FNIP2: variants seen among roughly 807,000 people sequenced by gnomAD.
The protein encoded by FNIP2 is folliculin-interacting protein 2.
FNIP2 carries 32 observed loss-of-function variants against 108.7 expected under a neutral mutation model. That is an observed-to-expected ratio of 0.29 (90% CI 0.22 to 0.40). The LOEUF is 0.40. Among genes scored for constraint, FNIP2 ranks in the 10% least tolerant of loss-of-function variants. FNIP2 has a pLI of 1.00. For synonymous variants in FNIP2, 480 were observed against 496.7 expected (o/e 0.97, Z 0.45); for missense variants, 1,202 against 1,381.6 (o/e 0.87, Z 2.06).
chr4:158,810,848 T>A (rs950402476), intron 1 of FNIP2, among the ~76,000 whole-genome samples: 1 of 152,300 alleles, frequency 6.6e-6, no homozygotes, highest in East Asian at 1.9e-4. Flanking sequence ...TTCTGAAGCC[T>A]TTTTTCCTCA....
chr4:158,897,588 A>G (rs530246698), intron 16 of FNIP2, among the ~76,000 whole-genome samples: 16 of 152,250 alleles, frequency 1.1e-4, no homozygotes, highest in Middle Eastern at 3.4e-3. Context: ...TTCTCTGATG[A>G]CCAGTGATGA....
chr4:158,801,621 A>G (rs1325790155), intron 1 of FNIP2, among the ~76,000 whole-genome samples: 2 of 152,190 alleles, frequency 1.3e-5, no homozygotes, highest in African/African-American at 2.4e-5. Context: ...TTAAGAGAAG[A>G]TATTACTACT....
intron 8 of FNIP2, among the ~76,000 whole-genome samples, chr4:158,854,026 AT>A (rs1303313524): frequency 6.6e-6 from 1 of 152,120 alleles, no homozygotes; most frequent in African/African-American, 2.4e-5. Flanking sequence ...AAAACAGTGT[AT>A]TTTTTTGTCC....
In FNIP2 at chr4:158,802,862, T is replaced by C. The variant is rs142868007; in HGVS notation, c.108-23054T>C. Among the ~76,000 whole-genome samples the C allele has an allele frequency of 1.9e-4, 29 of 152,362 alleles. 1 individual carries two copies. The East Asian group carries it at 5.2e-3, about 27-fold the overall frequency. On this transcript the variant is annotated intron_variant, in intron 1 of 16. Coordinates refer to ENST00000264433, the MANE Select transcript of FNIP2 (RefSeq NM_020840.3). ...AGATATTTGTCTTTGGTGATCTAAA[T>C]GATACTGTGCTATTTATTGATTCTT...
intron 1 of FNIP2, among the ~76,000 whole-genome samples, chr4:158,780,557 A>G (rs1776008707): frequency 6.6e-6 from 1 of 152,240 alleles, no homozygotes; most frequent in South Asian, 2.1e-4. Flanking sequence ...TAAATTTACC[A>G]TAATTTATGG....
chr4:158,810,232 G>C (rs1777197594), intron 1 of FNIP2, among the ~76,000 whole-genome samples: 1 of 152,206 alleles, frequency 6.6e-6, no homozygotes. Context: ...CTACCCTGAT[G>C]CTACTTAATA....
intron 14 of FNIP2, among the ~76,000 whole-genome samples, chr4:158,882,371 G>C (rs1322629389): frequency 1.3e-5 from 2 of 149,992 alleles, no homozygotes; most frequent in Admixed American, 1.3e-4. Context: ...CCCCGTCCGG[G>C]AGGGAGGTGG....
chr4:158,799,460 T>G (rs757572576), intron 1 of FNIP2, among the ~76,000 whole-genome samples: 7 of 152,160 alleles, frequency 4.6e-5, no homozygotes, highest in Non-Finnish European at 1.0e-4. Flanking sequence ...TAAGCAAATG[T>G]GTTACATAAG....
At position 158,882,548 on chromosome 4, in the gene FNIP2, G is replaced by A. The variant is rs529998486; in HGVS notation, c.2950-8898G>A. On this transcript the variant is annotated intron_variant, in intron 14 of 16. Transcript: ENST00000264433. ...CCATGATGACGATGGCGGTTTTGTC[G>A]AATAGAAAAGGGGGAAATGCGGAGA... is the stretch of plus-strand genomic sequence containing the variant. 2.5e-3 allele frequency among the ~76,000 whole-genome samples: 383 copies of A among 152,340 alleles called. 2 individuals are homozygous for A. The highest frequency in any genetic ancestry group is 8.6e-3 in the African/African-American group (359 of 41,578).
At chr4:158,880,290 G>A (rs1781514461) in intron 14 of FNIP2, among the ~76,000 whole-genome samples, 1 of 152,172 alleles carries the variant, frequency 6.6e-6, no homozygotes, top group African/African-American at 2.4e-5. Context: ...CATGTCCTTT[G>A]TAGGGACATG....
chr4:158,826,076 T>G, intron 2 of FNIP2, 34 bp downstream of exon 2: 2 of 1,592,774 alleles, frequency 1.3e-6, no homozygotes, highest in Non-Finnish European at 1.7e-6. Flanking sequence ...TCCTTTTCTT[T>G]TGTGCTTTTA....
At chr4:158,883,119 A>C (rs1246683712) in intron 14 of FNIP2, among the ~76,000 whole-genome samples, 1 of 152,222 alleles carries the variant, frequency 6.6e-6, no homozygotes, top group Non-Finnish European at 1.5e-5. Flanking sequence ...CACAAAAAAA[A>C]AATGAAGCCA....
chr4:158,796,254 C>T (rs1341068221), intron 1 of FNIP2, among the ~76,000 whole-genome samples: 2 of 151,980 alleles, frequency 1.3e-5, no homozygotes, highest in Non-Finnish European at 2.9e-5. Flanking sequence ...GTTAAATGAG[C>T]GGTACTTTAG....
chr4:158,784,238 C>G (rs1376904668), intron 1 of FNIP2, among the ~76,000 whole-genome samples: 2 of 152,180 alleles, frequency 1.3e-5, no homozygotes, highest in Non-Finnish European at 2.9e-5. Flanking sequence ...TTTTCTTTTT[C>G]TATTCCGTCC....
In FNIP2 at chr4:158,815,739, G is replaced by A. The variant is rs375051695; in HGVS notation, c.108-10177G>A. ...TTTTTCTTCTAGAGATAGTCTATACGTGTATAATAAAACCCAGAGTTCTTT... is the reference window on the plus strand; with the variant it reads ...TTTTTCTTCTAGAGATAGTCTATACATGTATAATAAAACCCAGAGTTCTTT... On this transcript the variant is annotated intron_variant, in intron 1 of 16. Transcript: ENST00000264433. Among the ~76,000 whole-genome samples, 20 of 152,212 alleles carry A rather than the reference G, an allele frequency of 1.3e-4. No individual in the cohort carries two copies. The East Asian group carries it at 2.1e-3, about 16-fold the overall frequency.
In FNIP2 at chr4:158,851,864, A is replaced by G. The variant is rs561172417; in HGVS notation, c.857+414A>G. Among the ~76,000 whole-genome samples the G allele has an allele frequency of 2.6e-5, 4 of 152,368 alleles. No homozygotes were observed. The South Asian group carries it at 8.3e-4, about 32-fold the overall frequency. ...AGGGTTTGTGATATATTCTCTTTGT[A>G]AAATGTAAATTCTTCAACTAAACAG... On this transcript the variant is annotated intron_variant, in intron 8 of 16. Coordinates refer to ENST00000264433, the MANE Select transcript of FNIP2 (RefSeq NM_020840.3).
At position 158,859,611 on chromosome 4, in the gene FNIP2, A is replaced by T. The variant is rs1386091644; in HGVS notation, c.1093A>T (p.Ser365Cys). 9 of 1,613,484 alleles carry T rather than the reference A, an allele frequency of 5.6e-6. No individual in the cohort carries two copies. The highest frequency in any genetic ancestry group is 7.6e-6 in the Non-Finnish European group (9 of 1,179,726). Reference sequence around the variant, plus strand: ...CTCCTGTAGGAAAATAGCAGAATCAAGTCTCCGAGTCCAGTTTTATGTCAG... The same window carrying T: ...CTCCTGTAGGAAAATAGCAGAATCATGTCTCCGAGTCCAGTTTTATGTCAG... ...MISCRKIAES[S>C]LRVQFYVSRL... Residue 365 changes from serine to cysteine, a missense_variant, in exon 10 of 17, where the codon AGT (serine) becomes TGT (cysteine). Physicochemically the swap from Ser to Cys is moderately radical, Grantham distance 112. This residue lies in a region of FNIP2 where 878 missense variants were observed against 990.3 expected (regional missense o/e 0.89). Transcript: ENST00000264433.
At chr4:158,790,147 T>C (rs1776363765) in intron 1 of FNIP2, among the ~76,000 whole-genome samples, 1 of 151,822 alleles carries the variant, frequency 6.6e-6, no homozygotes. Flanking sequence ...AATTTTATGT[T>C]GAGACCTGGG....
At chr4:158,838,048 A>G (rs1055192137) in intron 7 of FNIP2, among the ~76,000 whole-genome samples, 1 of 152,200 alleles carries the variant, frequency 6.6e-6, no homozygotes, top group Non-Finnish European at 1.5e-5. Context: ...AGAACTCTTT[A>G]TGTTCACACT....
Sources: gnomAD v4.1 joint callset for allele counts (sites outside exome capture counted in the v4.1 genomes callset) on GRCh38, gnomAD v4.1.1 for gene constraint, gnomAD v4.1.1 regional missense constraint, MANE v1.5 for transcripts, NCBI Gene and HGNC (gene_info 2026-07-23, HGNC 2026-07-21) for gene names.